The following RMST variants were observed in gnomAD, a reference collection of about 807,000 sequenced individuals.
RMST encodes the protein long intergenic non-protein coding RNA 54.
exon 14 of RMST, chr12:97,564,264 G>T (rs913789684): frequency 4.5e-5 from 8 of 176,442 alleles, no homozygotes; most frequent in African/African-American, 1.9e-4. Context: ...AGAAGAAATA[G>T]ACAAATCAGA....
In RMST at chr12:97,540,941, G is replaced by GATAGATATAGATATAGAT. The variant is rs11269215; in HGVS notation, n.1545+10108_1545+10125dup. On this transcript the variant is annotated intron_variant and non_coding_transcript_variant, in intron 11 of 13. Transcript: ENST00000640149. ...AGATAGATAAATAGATAGAGAGATA[G>GATAGATATAGATATAGAT]ATAGATATAGATATAGATATAGATA... Among the ~76,000 whole-genome samples, 1,195 of 145,586 alleles carry GATAGATATAGATATAGAT rather than the reference G, an allele frequency of 8.2e-3. 13 individuals carry two copies. Among genetic ancestry groups the GATAGATATAGATATAGAT allele is most frequent in the African/African-American group, 0.018 (698 of 39,806 alleles).
chr12:97,472,354 C>T (rs1210737365), intron 5 of RMST, among the ~76,000 whole-genome samples: 5 of 152,054 alleles, frequency 3.3e-5, no homozygotes, highest in East Asian at 3.8e-4. Context: ...TCCAGGGAAA[C>T]GGTTTGACAA....
intron 11 of RMST, among the ~76,000 whole-genome samples, chr12:97,547,799 T>TATC (rs1042384899): frequency 1.6e-4 from 25 of 152,282 alleles, no homozygotes; most frequent in African/African-American, 6.0e-4. Context: ...ATTAGCCCCT[T>TATC]ATCACATGTA....
chr12:97,531,902 T>G (rs1366739340), intron 11 of RMST, among the ~76,000 whole-genome samples: 1 of 152,024 alleles, frequency 6.6e-6, no homozygotes, highest in Non-Finnish European at 1.5e-5. Context: ...TAAGCTCATT[T>G]AAGCTTTCTC....
At chr12:97,499,915 T>A (rs534229769) in intron 10 of RMST, among the ~76,000 whole-genome samples, 4 of 152,170 alleles carry the variant, frequency 2.6e-5, no homozygotes, top group Admixed American at 1.3e-4. Flanking sequence ...TGCCTTGGCC[T>A]CCCAAAGTAT....
intron 10 of RMST, among the ~76,000 whole-genome samples, chr12:97,517,760 T>C (rs1039676167): frequency 3.9e-5 from 6 of 152,120 alleles, no homozygotes; most frequent in African/African-American, 1.4e-4. Flanking sequence ...AACATCTGTG[T>C]ATGTGTCTCT....
At chr12:97,522,311 A>G (rs762628297) in intron 10 of RMST, among the ~76,000 whole-genome samples, 25 of 152,198 alleles carry the variant, frequency 1.6e-4, no homozygotes, top group Non-Finnish European at 3.4e-4. Context: ...ATTACTTCCT[A>G]ATAGTAAATA....
At chr12:97,518,278 G>T (rs895099086) in intron 10 of RMST, among the ~76,000 whole-genome samples, 1 of 152,080 alleles carries the variant, frequency 6.6e-6, no homozygotes, top group Admixed American at 6.6e-5. Flanking sequence ...GTTTTTAAGA[G>T]AACTGAAACT....
chr12:97,504,007 C>A (rs1283731806), intron 10 of RMST, among the ~76,000 whole-genome samples: 1 of 152,292 alleles, frequency 6.6e-6, no homozygotes, highest in African/African-American at 2.4e-5. Flanking sequence ...CTCAGTGCAA[C>A]CTCTGCCTCC....
intron 5 of RMST, among the ~76,000 whole-genome samples, chr12:97,467,818 C>T (rs961623005): frequency 3.3e-5 from 5 of 151,778 alleles, no homozygotes; most frequent in East Asian, 1.9e-4. Flanking sequence ...TTGGGAGAGG[C>T]GGGGGAAAGG....
At chr12:97,468,164 C>T (rs1018365712) in intron 5 of RMST, among the ~76,000 whole-genome samples, 1 of 152,000 alleles carries the variant, frequency 6.6e-6, no homozygotes, top group Non-Finnish European at 1.5e-5. Flanking sequence ...TGTGATCCAA[C>T]AGCAAATTTT....
At chr12:97,473,136 T>C (rs1394550995) in intron 5 of RMST, among the ~76,000 whole-genome samples, 3 of 152,118 alleles carry the variant, frequency 2.0e-5, no homozygotes, top group East Asian at 3.9e-4. Flanking sequence ...ATACAACTTT[T>C]AGGCTCAGAA....
intron 6 of RMST, chr12:97,492,620 A>G (rs1267378250): frequency 6.6e-6 from 1 of 152,154 alleles, no homozygotes; most frequent in African/African-American, 2.4e-5. Flanking sequence ...TGTAAAGAAT[A>G]TTGGAAACAT....
intron 13 of RMST, among the ~76,000 whole-genome samples, chr12:97,561,579 G>T (rs1418050251): frequency 6.7e-6 from 1 of 148,954 alleles, no homozygotes; most frequent in African/African-American, 2.5e-5. Flanking sequence ...CCTTTGGGAC[G>T]AGCATGATTC....
chr12:97,479,353 A>G (rs1203210507), intron 5 of RMST, among the ~76,000 whole-genome samples: 1 of 151,728 alleles, frequency 6.6e-6, no homozygotes, highest in African/African-American at 2.4e-5. Flanking sequence ...GGGTCTCTGT[A>G]TGTTGCCCAG....
In RMST at chr12:97,555,004, T is replaced by G. The variant is rs142313339; in HGVS notation, n.1546-5533T>G. Among the ~76,000 whole-genome samples, 7 of 152,254 alleles carry G rather than the reference T, an allele frequency of 4.6e-5. No individual in the cohort carries two copies. The South Asian group carries it at 8.3e-4, about 18-fold the overall frequency. ...AACAAGAGAAGAGTAAATAGGCTTG[T>G]ATTTGTCTCTACAGCATATGGCATT... On this transcript the variant is annotated intron_variant and non_coding_transcript_variant, in intron 11 of 13. Coordinates refer to ENST00000640149, the Ensembl canonical transcript of RMST.
chr12:97,494,609 A>G (rs1282500610), intron 8 of RMST: 1 of 150,892 alleles, frequency 6.6e-6, no homozygotes, highest in Non-Finnish European at 1.5e-5. Context: ...ACAGTAATAT[A>G]AAAACCTCAG....
Position 97,469,894 on chromosome 12 carries a change from A to T in RMST, n.644+4167A>T, listed in dbSNP as rs562152142. ...GAATTCCCCAGAGCCAATAGGATAC[A>T]ATTTTAAAATGTCAAACCTTTTTAG... On this transcript the variant is annotated intron_variant and non_coding_transcript_variant, in intron 5 of 13. Coordinates refer to ENST00000640149, the Ensembl canonical transcript of RMST. Among the ~76,000 whole-genome samples, 9 of 152,218 alleles carry T rather than the reference A, an allele frequency of 5.9e-5. No individual in the cohort carries two copies. In the East Asian group the frequency reaches 1.5e-3, roughly 26 times the overall value.
At chr12:97,481,201 A>G (rs1302137830) in intron 5 of RMST, among the ~76,000 whole-genome samples, 2 of 152,108 alleles carry the variant, frequency 1.3e-5, no homozygotes, top group African/African-American at 4.8e-5. Context: ...CAAACAAGTC[A>G]CAGATACAAG....
Sources: allele counts gnomAD v4.1 joint callset (sites outside exome capture counted in the v4.1 genomes callset), GRCh38; gene constraint gnomAD v4.1.1; transcripts MANE v1.5; gene names NCBI Gene and HGNC (gene_info 2026-07-23, HGNC 2026-07-21).